IMMP1L: variants seen among roughly 807,000 people sequenced by gnomAD.
The protein encoded by IMMP1L is inner mitochondrial membrane peptidase subunit 1.
IMMP1L carries 24 observed loss-of-function variants against 21.8 expected under a neutral mutation model. That is an observed-to-expected ratio of 1.10 (90% confidence interval 0.80 to 1.55). IMMP1L has a LOEUF of 1.55. IMMP1L is among the 40% of genes most tolerant of loss of function. IMMP1L has a pLI of 0.00. For missense variants in IMMP1L, 195 were observed against 200.7 expected, an observed-to-expected ratio of 0.97 and a Z score of 0.17; for synonymous variants, 46 against 62.8, an observed-to-expected ratio of 0.73 and a Z score of 1.26.
chr11:31,453,828 A>C (rs1318417900), intron 4 of IMMP1L, among the ~76,000 whole-genome samples: 1 of 152,168 alleles, frequency 6.6e-6, no homozygotes, highest in Non-Finnish European at 1.5e-5. Context: ...AAAGACAAAT[A>C]CTTTTTAAAG....
chr11:31,437,698 T>C (rs896662590), intron 4 of IMMP1L, among the ~76,000 whole-genome samples: 6 of 152,200 alleles, frequency 3.9e-5, no homozygotes, highest in African/African-American at 7.2e-5. Flanking sequence ...ACCACAATGA[T>C]ACAGGATGTT....
chr11:31,494,140 C>A (rs775480463), intron 1 of IMMP1L, among the ~76,000 whole-genome samples: 25 of 152,262 alleles, frequency 1.6e-4, no homozygotes, highest in South Asian at 4.1e-4. Context: ...CATTTCCCTT[C>A]CTCATTGCTC....
chr11:31,488,840 A>G (rs1955164265), intron 1 of IMMP1L, among the ~76,000 whole-genome samples: 1 of 151,932 alleles, frequency 6.6e-6, no homozygotes, highest in Non-Finnish European at 1.5e-5. Context: ...TAATAATTCT[A>G]TCTCAGTTCT....
intron 1 of IMMP1L, among the ~76,000 whole-genome samples, chr11:31,497,901 C>CA (rs1955505775): frequency 6.6e-6 from 1 of 152,092 alleles, no homozygotes; most frequent in Non-Finnish European, 1.5e-5. Context: ...ATCACACATA[C>CA]ACAAATTTTT....
chr11:31,507,856 A>T (rs980414827), intron 1 of IMMP1L, among the ~76,000 whole-genome samples: 1 of 152,246 alleles, frequency 6.6e-6, no homozygotes, highest in African/African-American at 2.4e-5. Flanking sequence ...AATGATAACT[A>T]TGTGAGGTAA....
At chr11:31,491,554 C>A (rs902946070) in intron 1 of IMMP1L, among the ~76,000 whole-genome samples, 1 of 152,092 alleles carries the variant, frequency 6.6e-6, no homozygotes, top group Non-Finnish European at 1.5e-5. Flanking sequence ...GTGTTAAAGG[C>A]GTAGACTGTT....
At chr11:31,465,260 T>G (rs897660828) in intron 1 of IMMP1L, among the ~76,000 whole-genome samples, 4 of 151,962 alleles carry the variant, frequency 2.6e-5, no homozygotes, top group Non-Finnish European at 4.4e-5. Flanking sequence ...GAAAGACCTC[T>G]ACAATGAAAA....
chr11:31,449,167 T>G, intron 4 of IMMP1L: 2 of 731,790 alleles, frequency 2.7e-6, no homozygotes, highest in Non-Finnish European at 3.3e-6. Flanking sequence ...TCTATTTAAA[T>G]GACATAAGGA....
At chr11:31,463,933 A>G (rs916502394) in intron 1 of IMMP1L, among the ~76,000 whole-genome samples, 1 of 152,172 alleles carries the variant, frequency 6.6e-6, no homozygotes, top group African/African-American at 2.4e-5. Context: ...ACTATGAAAC[A>G]ACAGCATAAA....
chr11:31,434,440 T>G (rs374014003), intron 4 of IMMP1L, among the ~76,000 whole-genome samples: 1 of 152,194 alleles, frequency 6.6e-6, no homozygotes, highest in Admixed American at 6.5e-5. Flanking sequence ...AAAGTTTTTA[T>G]TTTACAGTTT....
At chr11:31,452,564 A>C in intron 4 of IMMP1L, 3 of 985,426 alleles carry the variant, frequency 3.0e-6, no homozygotes, top group Non-Finnish European at 3.6e-6. Flanking sequence ...AAACTGAGGA[A>C]TTCCTGTAGA....
intron 1 of IMMP1L, among the ~76,000 whole-genome samples, chr11:31,496,084 T>C: frequency 6.8e-6 from 1 of 147,218 alleles, no homozygotes; most frequent in Non-Finnish European, 1.5e-5. Flanking sequence ...CGGTCCAGAA[T>C]ATATAAAGAA....
intron 4 of IMMP1L, among the ~76,000 whole-genome samples, chr11:31,442,861 C>T (rs1339752372): frequency 6.6e-6 from 1 of 151,834 alleles, no homozygotes; most frequent in Non-Finnish European, 1.5e-5. Context: ...TAAAAACAAA[C>T]GACTGATAGA....
chr11:31,449,644 GTTA>G (rs1390546724), intron 4 of IMMP1L, among the ~76,000 whole-genome samples: 1 of 152,020 alleles, frequency 6.6e-6, no homozygotes, highest in East Asian at 1.9e-4. Context: ...TAATGATGAT[GTTA>G]TTAACATACT....
Position 31,505,298 on chromosome 11 carries a change from C to T in IMMP1L, c.-30+4221G>A, listed in dbSNP as rs116830822. Among the ~76,000 whole-genome samples, 1,462 of 152,174 alleles carry T rather than the reference C, an allele frequency of 9.6e-3. 29 individuals carry two copies. The highest frequency in any genetic ancestry group is 0.033 in the African/African-American group (1,389 of 41,524). Reference sequence around the variant, plus strand: ...CATGGAAAAAATAAAAAATAAAAAACGTCGGGAGGGAATAGTTGTTTAAGA... The same window carrying T: ...CATGGAAAAAATAAAAAATAAAAAATGTCGGGAGGGAATAGTTGTTTAAGA... On this transcript the variant is annotated intron_variant, in intron 1 of 5. Transcript: ENST00000532287.
intron 1 of IMMP1L, among the ~76,000 whole-genome samples, chr11:31,507,425 A>G (rs1391959836): frequency 6.6e-6 from 1 of 152,260 alleles, no homozygotes; most frequent in African/African-American, 2.4e-5. Flanking sequence ...CTTCAGTTCT[A>G]GTAATGAGGC....
intron 1 of IMMP1L, among the ~76,000 whole-genome samples, chr11:31,475,230 G>C (rs1368617504): frequency 6.6e-6 from 1 of 152,084 alleles, no homozygotes; most frequent in Non-Finnish European, 1.5e-5. Flanking sequence ...ATAAGCAGTT[G>C]ATCATTTTAA....
chr11:31,502,702 G>A (rs1014053641), intron 1 of IMMP1L, among the ~76,000 whole-genome samples: 4 of 152,174 alleles, frequency 2.6e-5, no homozygotes, highest in Non-Finnish European at 4.4e-5. Flanking sequence ...ATGTCTATGA[G>A]ACTCTGGTTG....
intron 1 of IMMP1L, among the ~76,000 whole-genome samples, chr11:31,483,842 CATTA>C (rs1401471432): frequency 1.3e-5 from 2 of 151,816 alleles, no homozygotes; most frequent in Non-Finnish European, 2.9e-5. Flanking sequence ...ATACCATACA[CATTA>C]AATAAAGCTT....
Sources: allele counts gnomAD v4.1 joint callset (sites outside exome capture counted in the v4.1 genomes callset), GRCh38; gene constraint gnomAD v4.1.1; transcripts MANE v1.5; gene names NCBI Gene and HGNC (gene_info 2026-07-23, HGNC 2026-07-21).